The following TCF7L2 variants were observed in gnomAD, a reference collection of about 807,000 sequenced individuals.
The protein encoded by TCF7L2 is transcription factor 7-like 2.
Under a neutral mutation model 77.9 loss-of-function variants are expected in TCF7L2, and 23 were observed. The ratio of observed to expected loss-of-function variants is 0.30; its 90% confidence interval spans 0.21 to 0.42. TCF7L2 has a LOEUF of 0.42. Ranked by LOEUF, TCF7L2 falls within the 10% of genes least tolerant of loss-of-function variation. The probability of loss-of-function intolerance (pLI) is 1.00; values close to 1 mark genes in which losing one functional copy is unlikely to be tolerated. For synonymous variants in TCF7L2, 413 were observed against 340.2 expected, an observed-to-expected ratio of 1.21 and a Z score of -2.36; for missense variants, 654 against 793.1, an observed-to-expected ratio of 0.82 and a Z score of 2.11.
chr10:113,079,363 T>C (rs2059078012), intron 5 of TCF7L2, among the ~76,000 whole-genome samples: 1 of 152,206 alleles, frequency 6.6e-6, no homozygotes, highest in Admixed American at 6.5e-5. Context: ...AGAGCTGCTC[T>C]GCTCAGGAGA....
chr10:113,165,924 C>G lies in TCF7L2; in HGVS notation c.1761C>G (p.Ala587=), dbSNP rs761607292. ...CCTTACATTCCCACAGCTCCCTGGC[C>G]GGGACCCAGCCCCAGCCGCTGTCGC... Residue 587 remains alanine (A), a synonymous_variant, in exon 14 of 14, where the codon GCC becomes GCG. Transcript: ENST00000627217. 2.5e-6 allele frequency: 4 copies of G among 1,568,644 alleles called. No homozygotes were observed. Among genetic ancestry groups the G allele is most frequent in the East Asian group, 2.3e-5 (1 of 44,252 alleles).
At chr10:112,994,032 G>A (rs1194906509) in intron 4 of TCF7L2, among the ~76,000 whole-genome samples, 1 of 150,820 alleles carries the variant, frequency 6.6e-6, no homozygotes, top group Non-Finnish European at 1.5e-5. Flanking sequence ...TCCAGCCTGG[G>A]CGGCAGAGCG....
intron 4 of TCF7L2, among the ~76,000 whole-genome samples, chr10:113,038,890 T>A (rs1338112474): frequency 6.6e-6 from 1 of 152,148 alleles, no homozygotes; most frequent in Admixed American, 6.5e-5. Context: ...TTGAGTAAAG[T>A]TTTCTATAGA....
chr10:113,082,177 A>T (rs893124256), intron 5 of TCF7L2, among the ~76,000 whole-genome samples: 6 of 150,554 alleles, frequency 4.0e-5, no homozygotes, highest in Non-Finnish European at 7.4e-5. Context: ...TCAAGTTCAG[A>T]TAATGTTAAG....
Position 113,151,268 on chromosome 10 carries a change from C to A in TCF7L2, c.1001+145C>A. 2 of 1,092,380 alleles carry A rather than the reference C, an allele frequency of 1.8e-6. No homozygotes were observed. Among genetic ancestry groups the A allele is most frequent in the South Asian group, 1.5e-5 (1 of 66,782 alleles). 67.7% of individuals were successfully genotyped at this position (1,092,380 alleles called of 1,614,324 possible). Reference sequence around the variant, plus strand: ...ACCCAGCCTGTGTGGGCTCTTCACTCCCTTACAAAGAGAGAGAGAGTGCAC... The same window carrying A: ...ACCCAGCCTGTGTGGGCTCTTCACTACCTTACAAAGAGAGAGAGAGTGCAC... On this transcript the variant is annotated intron_variant, in intron 9 of 13. Transcript: ENST00000627217. This position sits in a 1 kb window ranked among gnomAD's most constrained non-coding sequence, Gnocchi z 5.2.
Position 113,152,313 on chromosome 10 carries a change from G to T in TCF7L2, c.1162-20G>T. ...CTCTTTGTTCATGTCTTTCTCATCT[G>T]TACCCCACGTCCCCTCCAGTGGCAT... On this transcript the variant is annotated intron_variant, in intron 10 of 13. Transcript: ENST00000627217. 1.0e-5 allele frequency: 16 copies of T among 1,594,308 alleles called. No homozygotes were observed. The highest frequency in any genetic ancestry group is 1.4e-5 in the Non-Finnish European group (16 of 1,161,980).
chr10:113,083,367 A>G (rs991581426), intron 5 of TCF7L2, among the ~76,000 whole-genome samples: 14 of 152,072 alleles, frequency 9.2e-5, no homozygotes, highest in African/African-American at 1.9e-4. Context: ...TTAAAAAAAA[A>G]TAATAATGAG....
In TCF7L2 at chr10:112,978,702, A is replaced by C. The variant is rs189642184; in HGVS notation, c.450+14078A>C. ...CACTGTGTTAGCCAGGATGGTCTCG[A>C]TCTCCTGACCTTGTGATCCACCTGT... On this transcript the variant is annotated intron_variant, in intron 4 of 13. Transcript: ENST00000627217. 4.6e-3 allele frequency among the ~76,000 whole-genome samples: 673 copies of C among 147,332 alleles called. 9 individuals carry two copies. The highest frequency in any genetic ancestry group is 0.026 in the South Asian group (124 of 4,680).
rs1400198863 is a variant in TCF7L2, at chr10:113,166,912, A to C, written c.*940A>C. ...GTAGCATTAACAAAAGTTGCTTTAAAAGCCATTATGTAAAACAAGACTTGA... is the reference window on the plus strand; with the variant it reads ...GTAGCATTAACAAAAGTTGCTTTAACAGCCATTATGTAAAACAAGACTTGA... On this transcript the variant is annotated 3_prime_UTR_variant, in exon 14 of 14. Transcript: ENST00000627217. The C allele has an allele frequency of 8.7e-6, 2 of 230,606 alleles. No individual in the cohort carries two copies. Among genetic ancestry groups the C allele is most frequent in the Non-Finnish European group, 1.7e-5 (2 of 116,486 alleles). 14.3% of individuals were successfully genotyped at this position (230,606 alleles called of 1,614,324 possible).
intron 5 of TCF7L2, among the ~76,000 whole-genome samples, chr10:113,117,617 TGTC>T (rs2064034477): frequency 1.3e-5 from 2 of 152,238 alleles, no homozygotes; most frequent in Non-Finnish European, 2.9e-5. Context: ...TGATATAATT[TGTC>T]ATCTTACCAG....
In TCF7L2 at chr10:112,950,295, C is replaced by A; in HGVS notation, c.-462C>A. ...TACTCCGTTCCTCCGGATTTCGATC[C>A]CCCTTTTTCTATCTGTCAATCAGCG... On this transcript the variant is annotated 5_prime_UTR_variant, in exon 1 of 14. Coordinates refer to ENST00000627217, the MANE Select transcript of TCF7L2 (RefSeq NM_001146274.2). 1 of 229,726 alleles carries A rather than the reference C, an allele frequency of 4.4e-6. No homozygotes were observed. The highest frequency in any genetic ancestry group is 8.6e-6 in the Non-Finnish European group (1 of 116,172). 14.2% of individuals were successfully genotyped at this position (229,726 alleles called of 1,614,324 possible).
intron 3 of TCF7L2, among the ~76,000 whole-genome samples, chr10:112,961,474 C>T (rs2035219902): frequency 1.3e-5 from 2 of 152,100 alleles, no homozygotes; most frequent in South Asian, 4.1e-4. Flanking sequence ...TTTAGAATGC[C>T]AGGAGTTTAC....
At chr10:113,016,602 G>A (rs2047374343) in intron 4 of TCF7L2, among the ~76,000 whole-genome samples, 1 of 151,966 alleles carries the variant, frequency 6.6e-6, no homozygotes. Context: ...GAGACAGAGT[G>A]GGGAGCTCTC....
chr10:113,125,568 C>T (rs962971162), intron 5 of TCF7L2: 4 of 152,108 alleles, frequency 2.6e-5, no homozygotes, highest in African/African-American at 9.7e-5. Flanking sequence ...AATCTTGTCC[C>T]TGATGGATGA....
At chr10:113,139,612 A>G (rs74157223) in intron 5 of TCF7L2, among the ~76,000 whole-genome samples, 1 of 152,318 alleles carries the variant, frequency 6.6e-6, no homozygotes, top group African/African-American at 2.4e-5. Context: ...AGTTATACAT[A>G]GGAATTGGTA....
At chr10:113,113,901 G>A (rs1346479788) in intron 5 of TCF7L2, among the ~76,000 whole-genome samples, 1 of 152,120 alleles carries the variant, frequency 6.6e-6, no homozygotes, top group Non-Finnish European at 1.5e-5. Flanking sequence ...CAGTCACTTA[G>A]CCTTGAATTT....
chr10:112,996,712 A>AG (rs765107591), intron 4 of TCF7L2, among the ~76,000 whole-genome samples: 11 of 152,176 alleles, frequency 7.2e-5, no homozygotes, highest in Non-Finnish European at 1.6e-4. Context: ...TTAGCTGTTC[A>AG]GTCAGAACCC....
At chr10:113,094,206 G>T (rs1454038334) in intron 5 of TCF7L2, among the ~76,000 whole-genome samples, 1 of 152,212 alleles carries the variant, frequency 6.6e-6, no homozygotes, top group South Asian at 2.1e-4. Flanking sequence ...TGCCAAGCTA[G>T]ACACATAAAC....
intron 5 of TCF7L2, among the ~76,000 whole-genome samples, chr10:113,050,714 C>G (rs964216170): frequency 9.9e-5 from 15 of 152,142 alleles, no homozygotes; most frequent in Non-Finnish European, 1.6e-4. Context: ...CTCAGAATTA[C>G]AGTGACCAAG....
Sources: allele counts gnomAD v4.1 joint callset (sites outside exome capture counted in the v4.1 genomes callset), GRCh38; gene constraint gnomAD v4.1.1; non-coding constraint Gnocchi (gnomAD v3.1); transcripts MANE v1.5; gene names NCBI Gene and HGNC (gene_info 2026-07-23, HGNC 2026-07-21).